Variants in AK9 observed in about 807,000 individuals in gnomAD.
The protein encoded by AK9 is adenylate kinase domain containing 1.
A neutral mutation model predicts 239.6 loss-of-function variants in AK9; 191 were observed. The observed-to-expected ratio is 0.80, with a 90% confidence interval of 0.71 to 0.90. The LOEUF is 0.90. AK9 is among the 40% of genes least tolerant of loss of function. The probability of loss-of-function intolerance (pLI) is 0.00; values close to 1 mark genes in which losing one functional copy is unlikely to be tolerated. For missense variants in AK9, 1,995 were observed against 2,214.7 expected (o/e 0.90, Z 1.99); for synonymous variants, 689 against 721.0 (o/e 0.96, Z 0.71).
chr6:109,635,144 G>A (rs1329940748), intron 10 of AK9, among the ~76,000 whole-genome samples: 1 of 152,172 alleles, frequency 6.6e-6, no homozygotes, highest in African/African-American at 2.4e-5. Flanking sequence ...TCATGAGGAC[G>A]CAGAGAATGG....
intron 7 of AK9, among the ~76,000 whole-genome samples, 158 bp from the exon 8 acceptor site, chr6:109,657,042 G>A (rs924352655): frequency 3.9e-5 from 6 of 152,180 alleles, no homozygotes; most frequent in African/African-American, 7.2e-5. Context: ...GAGAATGGAA[G>A]ACTCCTAACG....
In AK9 at chr6:109,493,276, C is replaced by A. The variant is rs1776705768; in HGVS notation, c.*93G>T. The A allele has an allele frequency of 7.3e-7, 1 of 1,362,058 alleles. No individual in the cohort carries two copies. Among genetic ancestry groups the A allele is most frequent in the Non-Finnish European group, 1.0e-6 (1 of 987,478 alleles). 84.4% of individuals were successfully genotyped at this position (1,362,058 alleles called of 1,614,324 possible). ...CCTTGCTCAGGAGGCAAAAGTACTT[C>A]CAAGAGGCCCAGATTTTCAATCTAC... On this transcript the variant is annotated 3_prime_UTR_variant, in exon 41 of 41. Transcript: ENST00000424296.
chr6:109,603,535 A>G (rs1387965672), intron 17 of AK9, among the ~76,000 whole-genome samples: 1 of 152,114 alleles, frequency 6.6e-6, no homozygotes, highest in Non-Finnish European at 1.5e-5. Context: ...CCACTTGAGG[A>G]GGCAGTCTGT....
chr6:109,610,509 T>C lies in AK9; in HGVS notation c.1698A>G (p.Pro566=). ...TTACCTCTTCTATCAAGTCTTCTGTTGGGGCTAAAGTAAAATAAGCTGATA... is the reference window on the plus strand; with the variant it reads ...TTACCTCTTCTATCAAGTCTTCTGTCGGGGCTAAAGTAAAATAAGCTGATA... ...QDVKLYSDTA[P]TEDLIEEVTA... is the part of the protein sequence containing the mutation. Residue 566 remains proline, a synonymous_variant, in exon 17 of 41, where the codon CCA becomes CCG. Transcript: ENST00000424296. 1 of 1,550,632 alleles carries C rather than the reference T, an allele frequency of 6.4e-7. No individual in the cohort carries two copies. The highest frequency in any genetic ancestry group is 1.4e-5 in the African/African-American group (1 of 73,100).
Position 109,689,855 on chromosome 6 carries a change from T to G in AK9, c.-12+1292A>C, listed in dbSNP as rs143747000. ...TAGATAAAAACACTGTGCAAACATT[T>G]AACTAATATTCAGAAGAGTTGGTTT... is the stretch of plus-strand genomic sequence containing the variant. On this transcript the variant is annotated intron_variant, in intron 1 of 40. Transcript: ENST00000424296. 2.3e-3 allele frequency among the ~76,000 whole-genome samples: 343 copies of G among 152,330 alleles called. 2 individuals carry two copies. Among genetic ancestry groups the G allele is most frequent in the Middle Eastern group, 0.01 (3 of 294 alleles).
chr6:109,611,470 GGCTAGCA>G (rs993691159), intron 16 of AK9, among the ~76,000 whole-genome samples: 13 of 152,188 alleles, frequency 8.5e-5, no homozygotes, highest in Non-Finnish European at 1.5e-4. Context: ...ATTTTGTCAA[GGCTAGCA>G]GTGTGCCCTG....
At chr6:109,630,748 G>T (rs1796016998) in intron 12 of AK9, among the ~76,000 whole-genome samples, 1 of 152,048 alleles carries the variant, frequency 6.6e-6, no homozygotes, top group African/African-American at 2.4e-5. Context: ...AGGAGGCTGG[G>T]GTGGGAGGAT....
In AK9 at chr6:109,495,401, C is replaced by T. The variant is rs759240628; in HGVS notation, c.5355G>A (p.Lys1785=). Residue 1785 remains lysine, a synonymous_variant, in exon 39 of 41, where the codon AAG becomes AAA. Transcript: ENST00000424296. ...LKYWEQKLPH[K]LPPLREPILL... ...GTATCGGTTCCCTTAATGGGGGAAGCTTGTGTGGAAGCTTCTGTTCCCAGT... is the reference window on the plus strand; with the variant it reads ...GTATCGGTTCCCTTAATGGGGGAAGTTTGTGTGGAAGCTTCTGTTCCCAGT... 1 of 1,613,718 alleles carries T rather than the reference C, an allele frequency of 6.2e-7. No individual in the cohort carries two copies. Among genetic ancestry groups the T allele is most frequent in the Admixed American group, 1.7e-5 (1 of 59,920 alleles).
At chr6:109,632,043 G>T in intron 12 of AK9, 1 of 512,116 alleles carries the variant, frequency 2.0e-6, no homozygotes, top group Non-Finnish European at 2.5e-6. Context: ...GACTGGTATT[G>T]AGAAGAAACA....
rs1350592761 is a variant in AK9 at position 109,633,261 on chromosome 6, T to C, written c.996A>G (p.Arg332=). The C allele has an allele frequency of 1.2e-6, 2 of 1,610,176 alleles. No homozygotes were observed. The highest frequency in any genetic ancestry group is 1.1e-5 in the South Asian group (1 of 89,780). The change falls in exon 11 of 41, where the codon AGA becomes AGG. Residue 332 remains arginine, a synonymous_variant. Transcript: ENST00000424296. ...CAGGACATGTACGTCCCCATTTACT[T>C]CTTTGCCATCTGTATCTTGGTGCAA... ...KLIAPRYRWQ[R]SKWGRTCPVN...
chr6:109,681,360 C>T (rs1096141), intron 1 of AK9, among the ~76,000 whole-genome samples: 120,399 of 152,130 alleles, frequency 0.79, 47,803 homozygotes, highest in African/African-American at 0.87. Context: ...GGTCATTACA[C>T]AGTGGTAAAG....
intron 1 of AK9, among the ~76,000 whole-genome samples, chr6:109,680,458 A>G (rs1297894388): frequency 3.3e-5 from 5 of 152,216 alleles, no homozygotes; most frequent in Non-Finnish European, 7.3e-5. Flanking sequence ...GACTATGTGA[A>G]AAGACCAAAT....
chr6:109,624,293 C>A (rs1488787159), intron 12 of AK9, among the ~76,000 whole-genome samples: 1 of 152,088 alleles, frequency 6.6e-6, no homozygotes, highest in African/African-American at 2.4e-5. Context: ...ATTTCCTAAC[C>A]CTCTTCCTTG....
rs1379138826 is a variant in AK9, at chr6:109,546,125, A to C, written c.2967T>G (p.Ala989=). ...DYVAHEEPLK[A]PPLRICLVGP... ...CGACAAGGCATATTCTTAATGGAGG[A>C]GCCTGTCACAGGGGGTGGGTCAGGG... is the stretch of plus-strand genomic sequence containing the variant. The change falls in exon 26 of 41, where the codon GCT becomes GCG. Residue 989 remains alanine (A), a splice_region_variant and synonymous_variant. Transcript: ENST00000424296. 2 of 987,154 alleles carry C rather than the reference A, an allele frequency of 2.0e-6. No homozygotes were observed. Among genetic ancestry groups the C allele is most frequent in the Non-Finnish European group, 2.9e-6 (2 of 691,574 alleles). 61.1% of individuals were successfully genotyped at this position (987,154 alleles called of 1,614,324 possible). A position where few individuals can be genotyped will look rare whatever the true frequency, so the allele number is the denominator to read the frequency against.
In AK9 at chr6:109,497,923, G is replaced by T; in HGVS notation, c.5089C>A (p.Pro1697Thr). The T allele has an allele frequency of 6.2e-7, 1 of 1,614,096 alleles. No individual in the cohort carries two copies. ...ATGTCAGCAGATGGGAGTGGATGAG[G>T]TGCTAAGGGAGGCACGTACAATTCT... is the stretch of plus-strand genomic sequence containing the variant. ...NPELYVPPLA[P>T]HPLPSADMIP... Residue 1697 changes from proline to threonine, a missense_variant, in exon 37 of 41, where the codon CCT (proline) becomes ACT (threonine). Around this residue, in one of 5 missense-constraint regions of AK9, gnomAD observed 391 missense variants for 456.0 expected, o/e 0.86. Transcript: ENST00000424296.
At chr6:109,505,870 T>C (rs1467260801) in intron 35 of AK9, among the ~76,000 whole-genome samples, 2 of 152,208 alleles carry the variant, frequency 1.3e-5, no homozygotes, top group Admixed American at 1.3e-4. Context: ...CGGAGATTTA[T>C]TGCTCACAGT....
Position 109,671,955 on chromosome 6 carries a change from A to G in AK9, c.295T>C (p.Leu99=), listed in dbSNP as rs1467378783. The G allele has an allele frequency of 7.4e-6, 12 of 1,613,932 alleles. No individual in the cohort carries two copies. Among genetic ancestry groups the G allele is most frequent in the Non-Finnish European group, 1.0e-5 (12 of 1,179,956 alleles). ...IPDELVIKLM[L]EKLNSPEVCH... ...ACTTCTGGGGAGTTGAGCTTCTCCAACATTAGCTTTATGACAAGTTCATCT... is the reference window on the plus strand; with the variant it reads ...ACTTCTGGGGAGTTGAGCTTCTCCAGCATTAGCTTTATGACAAGTTCATCT... Residue 99 remains leucine (L), a synonymous_variant, in exon 5 of 41, where the codon TTG becomes CTG. Coordinates refer to ENST00000424296, the MANE Select transcript of AK9 (RefSeq NM_001145128.3).
At chr6:109,564,015 G>T in intron 23 of AK9, 65 bp downstream of exon 23, 1 of 1,425,246 alleles carries the variant, frequency 7.0e-7, no homozygotes, top group Non-Finnish European at 9.4e-7. Flanking sequence ...AGGCTTTCAA[G>T]TTTCAAAATG....
At chr6:109,620,249 A>T (rs538175106) in intron 12 of AK9, among the ~76,000 whole-genome samples, 2 of 152,296 alleles carry the variant, frequency 1.3e-5, no homozygotes, top group East Asian at 3.9e-4. Flanking sequence ...TTCCAAAACA[A>T]CTGAACTATT....
Sources: gnomAD v4.1 joint callset for allele counts (sites outside exome capture counted in the v4.1 genomes callset) on GRCh38, gnomAD v4.1.1 for gene constraint, gnomAD v4.1.1 regional missense constraint, MANE v1.5 for transcripts, NCBI Gene and HGNC (gene_info 2026-07-23, HGNC 2026-07-21) for gene names.